The following UNC13C variants were observed in gnomAD, a reference collection of about 807,000 sequenced individuals.
The protein encoded by UNC13C is protein unc-13 homolog C.
A neutral mutation model predicts 245.4 loss-of-function variants in UNC13C; 174 were observed. The observed-to-expected ratio is 0.71, with a 90% confidence interval of 0.63 to 0.80. UNC13C has a LOEUF of 0.80. Among genes scored for constraint, UNC13C ranks in the 30% least tolerant of loss-of-function variants. UNC13C has a pLI of 0.00. For synonymous variants in UNC13C, 992 were observed against 895.1 expected (o/e 1.11, Z -1.93); for missense variants, 2,829 against 2,602.9 (o/e 1.09, Z -1.89).
intron 4 of UNC13C, among the ~76,000 whole-genome samples, chr15:54,211,262 C>T (rs149757254): frequency 6.6e-6 from 1 of 151,988 alleles, no homozygotes; most frequent in Admixed American, 6.6e-5. Context: ...TCAAATATTT[C>T]TATAAATGTT....
intron 29 of UNC13C, among the ~76,000 whole-genome samples, chr15:54,566,826 G>A (rs576573490): frequency 6.6e-6 from 1 of 152,092 alleles, no homozygotes; most frequent in East Asian, 1.9e-4. Flanking sequence ...CCATTTAGGA[G>A]AGCGTCTCTG....
intron 20 of UNC13C, among the ~76,000 whole-genome samples, chr15:54,499,622 A>G (rs1403776868): frequency 6.6e-6 from 1 of 152,132 alleles, no homozygotes; most frequent in Non-Finnish European, 1.5e-5. Flanking sequence ...AAAATATCCT[A>G]CACAATTTCC....
intron 30 of UNC13C, among the ~76,000 whole-genome samples, chr15:54,576,375 TC>T (rs1167773999): frequency 1.3e-5 from 2 of 152,306 alleles, no homozygotes; most frequent in African/African-American, 4.8e-5. Flanking sequence ...TAGTTCCTTC[TC>T]CGTACTCTAC....
intron 4 of UNC13C, among the ~76,000 whole-genome samples, chr15:54,156,343 G>T (rs1224000625): frequency 6.6e-6 from 1 of 152,154 alleles, no homozygotes; most frequent in African/African-American, 2.4e-5. Context: ...AAGGTGCCAG[G>T]TAGGAAAGGC....
chr15:54,505,618 T>C (rs1226106016), intron 22 of UNC13C, among the ~76,000 whole-genome samples: 1 of 151,586 alleles, frequency 6.6e-6, no homozygotes, highest in Non-Finnish European at 1.5e-5. Context: ...TAGAATGAAA[T>C]TGAAGTTGCC....
At chr15:54,434,092 C>T (rs772240220) in intron 19 of UNC13C, among the ~76,000 whole-genome samples, 1 of 152,020 alleles carries the variant, frequency 6.6e-6, no homozygotes, top group Admixed American at 6.6e-5. Context: ...AAGACACAAA[C>T]AAATGGAAAT....
At chr15:54,109,979 T>C (rs1450963976) in intron 2 of UNC13C, among the ~76,000 whole-genome samples, 1 of 152,082 alleles carries the variant, frequency 6.6e-6, no homozygotes, top group Non-Finnish European at 1.5e-5. Flanking sequence ...GGTCCTTCTG[T>C]TTAAAGTATA....
At chr15:53,896,273 T>C in the UNC13C span, among the ~76,000 whole-genome samples, 1 of 152,170 alleles carries the variant, frequency 6.6e-6, no homozygotes, top group Non-Finnish European at 1.5e-5. Flanking sequence ...TCCTAGAGCA[T>C]ATATGTACCA....
the UNC13C span, among the ~76,000 whole-genome samples, chr15:53,950,081 A>G: frequency 2.0e-5 from 3 of 152,214 alleles, no homozygotes; most frequent in African/African-American, 7.2e-5. Context: ...ATAAAAGTAC[A>G]TGTTGGGGGA....
At chr15:53,875,201 C>T in the UNC13C span, among the ~76,000 whole-genome samples, 52 of 152,258 alleles carry the variant, frequency 3.4e-4, 2 homozygotes, top group Middle Eastern at 6.8e-3. Context: ...TTCAATTTAG[C>T]TTATTGAAAA....
chr15:54,194,549 G>C (rs1303181066), intron 4 of UNC13C, among the ~76,000 whole-genome samples: 1 of 152,112 alleles, frequency 6.6e-6, no homozygotes. Context: ...TATAGTTTGA[G>C]TCTGTGGATT....
the UNC13C span, among the ~76,000 whole-genome samples, chr15:53,918,164 C>G: frequency 6.6e-6 from 1 of 152,170 alleles, no homozygotes; most frequent in South Asian, 2.1e-4. Flanking sequence ...ACCCTTTCTT[C>G]CCCTGCGTTT....
At chr15:54,190,335 A>G (rs28718018) in intron 4 of UNC13C, among the ~76,000 whole-genome samples, 2 of 152,112 alleles carry the variant, frequency 1.3e-5, no homozygotes, top group South Asian at 4.1e-4. Flanking sequence ...TTCAAAAAGC[A>G]AAAAGACTAC....
chr15:54,546,964 C>A, intron 27 of UNC13C, 119 bp downstream of exon 27: 1 of 929,210 alleles, frequency 1.1e-6, no homozygotes, highest in Non-Finnish European at 1.6e-6. Context: ...GTTTGGTATC[C>A]AGTTTCTTAA....
At chr15:54,522,786 T>C (rs932009435) in intron 24 of UNC13C, among the ~76,000 whole-genome samples, 1 of 152,220 alleles carries the variant, frequency 6.6e-6, no homozygotes, top group Admixed American at 6.5e-5. Flanking sequence ...CCTCATTACA[T>C]AGAAACTTTA....
the UNC13C span, among the ~76,000 whole-genome samples, chr15:53,898,451 CT>C: frequency 5.3e-4 from 81 of 151,790 alleles, no homozygotes; most frequent in Non-Finnish European, 1.6e-4. Flanking sequence ...CACTAACACA[CT>C]TTTTTTTCTC....
intron 19 of UNC13C, among the ~76,000 whole-genome samples, chr15:54,441,767 T>C (rs1171827067): frequency 6.6e-6 from 1 of 152,090 alleles, no homozygotes. Context: ...CTTAAACTAT[T>C]GGTTGATTTA....
chr15:54,474,320 C>T (rs545559036), intron 19 of UNC13C, among the ~76,000 whole-genome samples: 6 of 151,974 alleles, frequency 3.9e-5, no homozygotes, highest in South Asian at 4.2e-4. Flanking sequence ...TTTTTCTCTG[C>T]GTCCTCACCA....
At chr15:53,934,879 C>G in the UNC13C span, among the ~76,000 whole-genome samples, 1 of 152,126 alleles carries the variant, frequency 6.6e-6, no homozygotes, top group African/African-American at 2.4e-5. Context: ...CATGAGGATT[C>G]CACCCTTACG....
Sources: gnomAD v4.1 joint callset for allele counts (sites outside exome capture counted in the v4.1 genomes callset) on GRCh38, gnomAD v4.1.1 for gene constraint, MANE v1.5 for transcripts, NCBI Gene and HGNC (gene_info 2026-07-23, HGNC 2026-07-21) for gene names.